The following TRHDE variants were observed in gnomAD, a reference collection of about 807,000 sequenced individuals.
The protein encoded by TRHDE is thyrotropin-releasing hormone-degrading ectoenzyme.
TRHDE carries 72 observed loss-of-function variants against 125.7 expected under a neutral mutation model. That is an observed-to-expected ratio of 0.57 (90% confidence interval 0.47 to 0.70). The LOEUF is 0.70. TRHDE is among the 30% of genes least tolerant of loss of function. TRHDE has a pLI of 0.00. For missense variants in TRHDE, 1,110 were observed against 1,327.1 expected, an observed-to-expected ratio of 0.84 and a Z score of 2.54; for synonymous variants, 509 against 509.1, an observed-to-expected ratio of 1.00 and a Z score of 0.00.
At chr12:72,502,669 G>T (rs1878205755) in intron 6 of TRHDE, among the ~76,000 whole-genome samples, 1 of 152,060 alleles carries the variant, frequency 6.6e-6, no homozygotes, top group Non-Finnish European at 1.5e-5. Flanking sequence ...AGTTAAGTGA[G>T]GTTGGTTGAT....
At chr12:72,550,488 A>G (rs1169996806) in intron 7 of TRHDE, among the ~76,000 whole-genome samples, 1 of 151,936 alleles carries the variant, frequency 6.6e-6, no homozygotes, top group Non-Finnish European at 1.5e-5. Context: ...CTAGAACTAT[A>G]TATTTGGAAA....
chr12:72,114,589 G>A (rs914380357), intron 2 of TRHDE, among the ~76,000 whole-genome samples: 2 of 152,130 alleles, frequency 1.3e-5, no homozygotes, highest in Non-Finnish European at 2.9e-5. Flanking sequence ...GAAGGAAGAA[G>A]AGGGCTTGGG....
At chr12:72,296,881 G>A (rs541349666) in intron 2 of TRHDE, among the ~76,000 whole-genome samples, 25 of 152,278 alleles carry the variant, frequency 1.6e-4, no homozygotes, top group Admixed American at 1.1e-3. Context: ...GTTTTTAAGC[G>A]TGCTAGTTAA....
intron 2 of TRHDE, among the ~76,000 whole-genome samples, chr12:72,142,241 A>G (rs1460401952): frequency 6.6e-6 from 1 of 152,156 alleles, no homozygotes; most frequent in Non-Finnish European, 1.5e-5. Flanking sequence ...GATCAAGGTT[A>G]AAGGCTCTTT....
chr12:72,156,472 G>A lies in TRHDE; in HGVS notation n.279+50720G>A, dbSNP rs538445353. The stretch of plus-strand genomic sequence containing the variant: ...TCAGCTGGAAATGCAGAAATCACCC[G>A]TCTTCTGCGTCACTCATGCTGGGAG... On this transcript the variant is annotated intron_variant and non_coding_transcript_variant, in intron 2 of 4. Transcript: ENST00000548156. Among the ~76,000 whole-genome samples, 50 of 152,256 alleles carry A rather than the reference G, an allele frequency of 3.3e-4. No individual in the cohort carries two copies. The East Asian group carries it at 7.0e-3, about 21-fold the overall frequency.
intron 2 of TRHDE, among the ~76,000 whole-genome samples, chr12:72,344,750 C>T (rs1195772823): frequency 6.6e-6 from 1 of 152,148 alleles, no homozygotes; most frequent in Non-Finnish European, 1.5e-5. Context: ...AAGCCTCCAC[C>T]CCTGAGCTTT....
chr12:72,140,834 A>G (rs1422389571), intron 2 of TRHDE, among the ~76,000 whole-genome samples: 1 of 152,174 alleles, frequency 6.6e-6, no homozygotes, highest in Non-Finnish European at 1.5e-5. Flanking sequence ...CAGCCAATAA[A>G]AATAGTGTAA....
chr12:72,314,228 T>C (rs1333652572), intron 2 of TRHDE, among the ~76,000 whole-genome samples: 3 of 151,846 alleles, frequency 2.0e-5, no homozygotes, highest in Non-Finnish European at 4.4e-5. Flanking sequence ...ACACCAGGTC[T>C]TGTCTTGTCA....
intron 10 of TRHDE, among the ~76,000 whole-genome samples, chr12:72,574,107 T>C (rs542934630): frequency 9.2e-5 from 14 of 152,164 alleles, no homozygotes; most frequent in African/African-American, 3.4e-4. Flanking sequence ...ACCCAATATG[T>C]TTTCTGGTAT....
chr12:72,411,615 G>C (rs1466339179), intron 3 of TRHDE, among the ~76,000 whole-genome samples: 1 of 151,850 alleles, frequency 6.6e-6, no homozygotes, highest in Non-Finnish European at 1.5e-5. Flanking sequence ...AATCTTAGCA[G>C]GCTCTTTTGT....
intron 2 of TRHDE, among the ~76,000 whole-genome samples, chr12:72,328,151 C>A (rs1345659590): frequency 6.6e-6 from 1 of 152,146 alleles, no homozygotes; most frequent in Non-Finnish European, 1.5e-5. Flanking sequence ...CCTGAAAAGT[C>A]CATTCTGAAA....
At chr12:72,547,680 A>G (rs1276988387) in intron 7 of TRHDE, among the ~76,000 whole-genome samples, 1 of 151,658 alleles carries the variant, frequency 6.6e-6, no homozygotes, top group Non-Finnish European at 1.5e-5. Flanking sequence ...ATTTAAGACC[A>G]CCTCTATACA....
chr12:72,365,126 G>C (rs903178442), intron 2 of TRHDE, among the ~76,000 whole-genome samples: 1 of 152,078 alleles, frequency 6.6e-6, no homozygotes. Context: ...TTAGTTGTTA[G>C]AGTTAAAAAT....
chr12:72,438,687 A>AGGTG (rs1210507016), intron 3 of TRHDE, among the ~76,000 whole-genome samples: 1 of 151,870 alleles, frequency 6.6e-6, no homozygotes, highest in Non-Finnish European at 1.5e-5. Context: ...ACCCTTTATC[A>AGGTG]GGTGTAGAGT....
intron 1 of TRHDE, among the ~76,000 whole-genome samples, chr12:72,105,106 AC>A (rs1197568077): frequency 6.6e-6 from 1 of 152,190 alleles, no homozygotes; most frequent in African/African-American, 2.4e-5. Context: ...TGGGCCTCAG[AC>A]TTTAGAGCTA....
Position 72,653,005 on chromosome 12 carries a change from T to C in TRHDE, c.2844-11T>C. ...TGGACTAAAAATTTTTACAAAATTC[T>C]ATCTTTGAAGGCTTCTAAATCTGTC... On this transcript the variant is annotated splice_polypyrimidine_tract_variant and intron_variant, in intron 16 of 18. Transcript: ENST00000261180. The C allele has an allele frequency of 6.3e-7, 1 of 1,583,804 alleles. No individual in the cohort carries two copies. The highest frequency in any genetic ancestry group is 1.2e-5 in the South Asian group (1 of 84,820).
Position 72,273,828 on chromosome 12 carries a change from A to G in TRHDE, c.914+271A>G. ...AGTCGGGACCTCTCCTCTTCCTGTCAGAGTTCCTTAGCCATCGAAACGCAG... is the reference window on the plus strand; with the variant it reads ...AGTCGGGACCTCTCCTCTTCCTGTCGGAGTTCCTTAGCCATCGAAACGCAG... On this transcript the variant is annotated intron_variant, in intron 1 of 18. Coordinates refer to ENST00000261180, the MANE Select transcript of TRHDE (RefSeq NM_013381.3). This position sits in a 1 kb window ranked among gnomAD's most constrained non-coding sequence, Gnocchi z 5.3. The G allele has an allele frequency of 2.4e-6, 1 of 420,850 alleles. No homozygotes were observed. Among genetic ancestry groups the G allele is most frequent in the Non-Finnish European group, 4.3e-6 (1 of 234,830 alleles). The allele number at this position is 420,850 out of a possible 1,614,324, so 26.1% of individuals were successfully genotyped here. A position where few individuals can be genotyped will look rare whatever the true frequency, so the allele number is the denominator to read the frequency against.
chr12:72,403,208 A>G (rs1873121147), intron 3 of TRHDE, among the ~76,000 whole-genome samples: 1 of 152,202 alleles, frequency 6.6e-6, no homozygotes, highest in African/African-American at 2.4e-5. Context: ...GGACCGAGAT[A>G]AAAGCTTGTT....
chr12:72,202,334 A>T (rs7295233), intron 2 of TRHDE, among the ~76,000 whole-genome samples: 7,023 of 152,284 alleles, frequency 0.046, 360 homozygotes, highest in African/African-American at 0.12. Flanking sequence ...TCAGGGAGAA[A>T]GCACATTACA....
Sources: allele counts gnomAD v4.1 joint callset (sites outside exome capture counted in the v4.1 genomes callset), GRCh38; gene constraint gnomAD v4.1.1; non-coding constraint Gnocchi (gnomAD v3.1); transcripts MANE v1.5; gene names NCBI Gene and HGNC (gene_info 2026-07-23, HGNC 2026-07-21).